The following CDKAL1 variants were observed in gnomAD, a reference collection of about 807,000 sequenced individuals.
CDKAL1 encodes the protein CDKAL1 threonylcarbamoyladenosine tRNA methylthiotransferase, also known as threonylcarbamoyladenosine tRNA methylthiotransferase.
Under a neutral mutation model 68.2 loss-of-function variants are expected in CDKAL1, and 32 were observed. That is an observed-to-expected ratio of 0.47 (90% CI 0.35 to 0.63). The LOEUF (loss-of-function observed/expected upper bound fraction) is 0.63, where lower values mean the gene tolerates loss of function less well. Among genes scored for constraint, CDKAL1 ranks in the 30% least tolerant of loss-of-function variants. The probability of loss-of-function intolerance (pLI) is 0.00; values close to 1 mark genes in which losing one functional copy is unlikely to be tolerated. For synonymous variants in CDKAL1, 234 were observed against 244.3 expected (o/e 0.96, Z 0.39); for missense variants, 606 against 696.7 (o/e 0.87, Z 1.47).
chr6:20,794,236 T>G (rs1230586268), intron 8 of CDKAL1, among the ~76,000 whole-genome samples: 1 of 152,144 alleles, frequency 6.6e-6, no homozygotes, highest in Non-Finnish European at 1.5e-5. Context: ...AAAGCCTCTT[T>G]TTTTGGTATA....
At chr6:20,878,336 G>A (rs1006698280) in intron 9 of CDKAL1, among the ~76,000 whole-genome samples, 3 of 152,054 alleles carry the variant, frequency 2.0e-5, no homozygotes, top group Admixed American at 2.0e-4. Context: ...CTCTCCCCTC[G>A]CCCATAGGCT....
chr6:20,713,648 A>T (rs1039576757), intron 5 of CDKAL1, among the ~76,000 whole-genome samples: 4 of 152,208 alleles, frequency 2.6e-5, no homozygotes, highest in African/African-American at 9.6e-5. Context: ...TACACTGTAC[A>T]ATGAAAATAA....
chr6:21,004,470 T>C (rs1017930094), intron 11 of CDKAL1, among the ~76,000 whole-genome samples: 2 of 152,132 alleles, frequency 1.3e-5, no homozygotes, highest in East Asian at 1.9e-4. Flanking sequence ...AATATACTAA[T>C]TTAAAACAGC....
chr6:20,923,353 G>GT (rs1561887427), intron 9 of CDKAL1, among the ~76,000 whole-genome samples: 2 of 152,208 alleles, frequency 1.3e-5, no homozygotes, highest in South Asian at 4.2e-4. Context: ...TCTCAGCACC[G>GT]TTTTTTCCAA....
intron 9 of CDKAL1, among the ~76,000 whole-genome samples, chr6:20,888,216 A>G (rs1761188464): frequency 6.6e-6 from 1 of 151,692 alleles, no homozygotes; most frequent in South Asian, 2.1e-4. Flanking sequence ...ATGAGTGAGA[A>G]TATGCAGTGT....
chr6:20,577,771 GTC>G (rs1419432570), intron 4 of CDKAL1, among the ~76,000 whole-genome samples: 11 of 152,170 alleles, frequency 7.2e-5, no homozygotes, highest in Non-Finnish European at 2.9e-5. Flanking sequence ...GCATTTACAA[GTC>G]TCTGCTCACA....
chr6:20,668,622 A>C (rs1769662243), intron 5 of CDKAL1, among the ~76,000 whole-genome samples: 1 of 152,246 alleles, frequency 6.6e-6, no homozygotes, highest in South Asian at 2.1e-4. Context: ...AAGACTTCCC[A>C]TGGACCTTTC....
At chr6:20,769,808 C>A (rs1384742385) in intron 7 of CDKAL1, among the ~76,000 whole-genome samples, 1 of 152,094 alleles carries the variant, frequency 6.6e-6, no homozygotes. Flanking sequence ...TAATTCATTT[C>A]TACTCCACAG....
chr6:21,224,671 G>A (rs1160149758), intron 15 of CDKAL1, among the ~76,000 whole-genome samples: 1 of 152,152 alleles, frequency 6.6e-6, no homozygotes, highest in Non-Finnish European at 1.5e-5. Flanking sequence ...CCAGAAGAAT[G>A]CCTCCCAGCC....
chr6:21,041,684 G>T (rs1769941520), intron 11 of CDKAL1, among the ~76,000 whole-genome samples: 1 of 149,906 alleles, frequency 6.7e-6, no homozygotes, highest in South Asian at 2.1e-4. Context: ...ATCGTATTTG[G>T]TACTGGATAA....
rs1768240070 is a variant in CDKAL1 at position 21,014,906 on chromosome 6, T to G, written c.1055+14534T>G. Among the ~76,000 whole-genome samples the G allele has an allele frequency of 2.0e-5, 3 of 152,348 alleles. No individual in the cohort carries two copies. The South Asian group carries it at 6.2e-4, about 32-fold the overall frequency. On this transcript the variant is annotated intron_variant, in intron 11 of 15. Coordinates refer to ENST00000274695, the MANE Select transcript of CDKAL1 (RefSeq NM_017774.3). ...CATTTGATGCAAGACTTAAAGAAAT[T>G]TAACTGCTAGAGGTTTTTTTCTAAT...
At chr6:20,748,967 A>G (rs1475856294) in intron 6 of CDKAL1, among the ~76,000 whole-genome samples, 1 of 151,638 alleles carries the variant, frequency 6.6e-6, no homozygotes, top group Non-Finnish European at 1.5e-5. Flanking sequence ...ATATATATGT[A>G]TATGTATGTG....
chr6:20,857,842 C>T (rs559421705), intron 9 of CDKAL1, among the ~76,000 whole-genome samples: 3 of 152,212 alleles, frequency 2.0e-5, no homozygotes, highest in South Asian at 4.1e-4. Context: ...CCACACCAGA[C>T]CTTTCTTCAG....
chr6:20,550,786 T>C (rs1223288654), intron 4 of CDKAL1, among the ~76,000 whole-genome samples: 3 of 152,030 alleles, frequency 2.0e-5, no homozygotes, highest in Non-Finnish European at 4.4e-5. Context: ...TTTATGTATG[T>C]TATCTTGCTT....
At chr6:20,873,166 A>G (rs1486125287) in intron 9 of CDKAL1, among the ~76,000 whole-genome samples, 1 of 152,194 alleles carries the variant, frequency 6.6e-6, no homozygotes, top group Non-Finnish European at 1.5e-5. Context: ...ATGAGGGGCA[A>G]GAGATGATGA....
rs184451523 is a variant in CDKAL1, at chr6:21,147,083, G to A, written c.1299+38620G>A. Reference sequence around the variant, plus strand: ...AAGCACAGGCAGGGGATTGACTGGTGGGGGGGAAGTGAATACCTAGAACCT... The same window carrying A: ...AAGCACAGGCAGGGGATTGACTGGTAGGGGGGAAGTGAATACCTAGAACCT... On this transcript the variant is annotated intron_variant, in intron 13 of 15. Coordinates refer to ENST00000274695, the MANE Select transcript of CDKAL1 (RefSeq NM_017774.3). Among the ~76,000 whole-genome samples, 13 of 152,108 alleles carry A rather than the reference G, an allele frequency of 8.5e-5. No individual in the cohort carries two copies. In the East Asian group the frequency reaches 2.1e-3, roughly 25 times the overall value.
In CDKAL1 at chr6:21,216,774, A is replaced by T. The variant is rs77358906; in HGVS notation, c.1549-14074A>T. On this transcript the variant is annotated intron_variant, in intron 15 of 15. Transcript: ENST00000274695. ...TCTTCCTTTGACCAACCCTTCCCCA[A>T]CCCTCATCTCCAGCCCAAATCTTGC... is the stretch of plus-strand genomic sequence containing the variant. Among the ~76,000 whole-genome samples, 1,046 of 152,144 alleles carry T rather than the reference A, an allele frequency of 6.9e-3. 10 individuals are homozygous for T. The highest frequency in any genetic ancestry group is 0.023 in the African/African-American group (966 of 41,488).
chr6:20,827,256 G>C (rs568641240), intron 8 of CDKAL1, among the ~76,000 whole-genome samples: 2 of 152,154 alleles, frequency 1.3e-5, no homozygotes, highest in South Asian at 4.2e-4. Flanking sequence ...CCATTCCTTG[G>C]CTTCATCTCT....
In CDKAL1 at chr6:21,140,390, G is replaced by T. The variant is rs576596541; in HGVS notation, c.1299+31927G>T. Among the ~76,000 whole-genome samples the T allele has an allele frequency of 2.4e-4, 37 of 152,314 alleles. 1 individual carries two copies. In the South Asian group the frequency reaches 7.2e-3, roughly 30 times the overall value. On this transcript the variant is annotated intron_variant, in intron 13 of 15. Transcript: ENST00000274695. ...TGTAAACACTAGAGGAGCCAGACAT[G>T]GTTTTCTTTGGACACATCTTGGACG...
Sources: gnomAD v4.1 joint callset for allele counts (sites outside exome capture counted in the v4.1 genomes callset) on GRCh38, gnomAD v4.1.1 for gene constraint, MANE v1.5 for transcripts, NCBI Gene and HGNC (gene_info 2026-07-23, HGNC 2026-07-21) for gene names.